Variants in RAPGEF5 observed in about 807,000 individuals in gnomAD.
RAPGEF5 encodes M-Ras-regulated GEF.
Under a neutral mutation model 125.2 loss-of-function variants are expected in RAPGEF5, and 65 were observed. The ratio of observed to expected loss-of-function variants is 0.52; its 90% CI spans 0.43 to 0.64. RAPGEF5 has a LOEUF of 0.64. Ranked by LOEUF, RAPGEF5 falls within the 30% of genes least tolerant of loss-of-function variation. RAPGEF5 has a pLI of 0.00. For missense variants in RAPGEF5, 958 were observed against 1,048.1 expected (o/e 0.91, Z 1.19); for synonymous variants, 391 against 385.9 (o/e 1.01, Z -0.16).
chr7:22,147,422 G>A (rs182982167), intron 18 of RAPGEF5, among the ~76,000 whole-genome samples: 1 of 152,304 alleles, frequency 6.6e-6, no homozygotes, highest in Admixed American at 6.5e-5. Context: ...AAATGTCATG[G>A]TGCACTTCAA....
At chr7:22,165,554 T>G (rs1405278732) in intron 12 of RAPGEF5, among the ~76,000 whole-genome samples, 1 of 152,172 alleles carries the variant, frequency 6.6e-6, no homozygotes, top group African/African-American at 2.4e-5. Context: ...CTTTCCAAAT[T>G]CAAAACTAAA....
At chr7:22,318,164 A>C in intron 1 of RAPGEF5, 127 bp from the exon 2 acceptor site, 3 of 929,548 alleles carry the variant, frequency 3.2e-6, no homozygotes, top group Non-Finnish European at 1.6e-6. Context: ...ATGAGCTTAA[A>C]TCTCAAATCA....
intron 1 of RAPGEF5, among the ~76,000 whole-genome samples, chr7:22,341,617 A>G (rs1787145974): frequency 6.6e-6 from 1 of 152,238 alleles, no homozygotes; most frequent in Non-Finnish European, 1.5e-5. Flanking sequence ...GGGTGAAGGC[A>G]TTGAGTAAAT....
chr7:22,229,193 G>C (rs1785997493), intron 8 of RAPGEF5, among the ~76,000 whole-genome samples: 1 of 152,146 alleles, frequency 6.6e-6, no homozygotes, highest in Non-Finnish European at 1.5e-5. Context: ...ATTAAAACAG[G>C]GAGTTTCTTA....
chr7:22,130,166 T>A (rs10228690), intron 24 of RAPGEF5, among the ~76,000 whole-genome samples: 7,031 of 152,240 alleles, frequency 0.046, 530 homozygotes, highest in African/African-American at 0.16. Context: ...GTTACTGGTA[T>A]CGTCTTTAAC....
At chr7:22,177,376 TC>T (rs1474232283) in intron 11 of RAPGEF5, among the ~76,000 whole-genome samples, 1 of 152,214 alleles carries the variant, frequency 6.6e-6, no homozygotes, top group Non-Finnish European at 1.5e-5. Flanking sequence ...ATGCTGAAGT[TC>T]CTTTATTCCT....
At chr7:22,258,799 T>C (rs1323542975) in intron 7 of RAPGEF5, among the ~76,000 whole-genome samples, 1 of 151,918 alleles carries the variant, frequency 6.6e-6, no homozygotes, top group Non-Finnish European at 1.5e-5. Flanking sequence ...GATATCCACA[T>C]GCAAAAGATA....
At chr7:22,318,092 A>G in intron 1 of RAPGEF5, 55 bp from the exon 2 acceptor site, 2 of 1,492,772 alleles carry the variant, frequency 1.3e-6, no homozygotes, top group South Asian at 1.3e-5. Flanking sequence ...TTTTGTACCA[A>G]AAAATGAAAA....
At chr7:22,181,736 TAA>T (rs1351753558) in intron 11 of RAPGEF5, among the ~76,000 whole-genome samples, 2 of 152,094 alleles carry the variant, frequency 1.3e-5, no homozygotes, top group African/African-American at 4.8e-5. Flanking sequence ...GTAGCAGCCT[TAA>T]GTACAAGGCA....
At chr7:22,167,227 C>A in intron 11 of RAPGEF5, 79 bp from the exon 12 acceptor site, 1 of 1,075,654 alleles carries the variant, frequency 9.3e-7, no homozygotes, top group Non-Finnish European at 1.4e-6. Context: ...GGCCCCAGAA[C>A]CATGTGCATG....
At chr7:22,340,559 T>G (rs1003732065) in intron 1 of RAPGEF5, among the ~76,000 whole-genome samples, 1 of 152,176 alleles carries the variant, frequency 6.6e-6, no homozygotes, top group Non-Finnish European at 1.5e-5. Flanking sequence ...CAAGATGGAT[T>G]TGCGGGAACC....
intron 5 of RAPGEF5, among the ~76,000 whole-genome samples, chr7:22,292,448 C>G (rs1349451358): frequency 2.6e-5 from 4 of 152,214 alleles, no homozygotes; most frequent in Non-Finnish European, 5.9e-5. Context: ...CTTAAGCGCT[C>G]ATGCAGCAAA....
intron 6 of RAPGEF5, among the ~76,000 whole-genome samples, chr7:22,289,719 C>G (rs1440436688): frequency 6.6e-6 from 1 of 152,138 alleles, no homozygotes; most frequent in East Asian, 1.9e-4. Flanking sequence ...GGCTTTGAGT[C>G]CCATCCAAAT....
chr7:22,286,965 G>C (rs1192139292), intron 6 of RAPGEF5, among the ~76,000 whole-genome samples: 1 of 152,234 alleles, frequency 6.6e-6, no homozygotes, highest in Non-Finnish European at 1.5e-5. Flanking sequence ...TCGATGAAAA[G>C]AGGTTTCCAA....
chr7:22,311,315 A>C (rs1407529941), intron 3 of RAPGEF5, among the ~76,000 whole-genome samples: 1 of 152,176 alleles, frequency 6.6e-6, no homozygotes, highest in East Asian at 1.9e-4. Flanking sequence ...CACCTGGCCA[A>C]AATGTTTTTT....
intron 7 of RAPGEF5, among the ~76,000 whole-genome samples, chr7:22,233,836 CTA>C (rs1786120595): frequency 6.6e-6 from 1 of 152,122 alleles, no homozygotes; most frequent in Non-Finnish European, 1.5e-5. Flanking sequence ...AACAACAATG[CTA>C]TGTTTATTGT....
At chr7:22,167,049 C>T (rs766871556) in intron 12 of RAPGEF5, 21 bp downstream of exon 12, 1 of 1,583,852 alleles carries the variant, frequency 6.3e-7, no homozygotes, top group Non-Finnish European at 8.7e-7. Context: ...GACACAGCAG[C>T]CTGAAGATAA....
chr7:22,218,209 AC>A (rs1463397839), intron 9 of RAPGEF5, among the ~76,000 whole-genome samples: 1 of 152,158 alleles, frequency 6.6e-6, no homozygotes, highest in Non-Finnish European at 1.5e-5. Context: ...GGCCGTGACT[AC>A]TTATAATATT....
At chr7:22,346,070 C>T (rs1476294849) in intron 1 of RAPGEF5, among the ~76,000 whole-genome samples, 1 of 152,122 alleles carries the variant, frequency 6.6e-6, no homozygotes, top group Non-Finnish European at 1.5e-5. Context: ...TAAGATTCAC[C>T]CCAAAGTGTC....
Sources: gnomAD v4.1 joint callset for allele counts (sites outside exome capture counted in the v4.1 genomes callset) on GRCh38, gnomAD v4.1.1 for gene constraint, MANE v1.5 for transcripts, NCBI Gene and HGNC (gene_info 2026-07-23, HGNC 2026-07-21) for gene names.